RTCA: variants seen among roughly 807,000 people sequenced by gnomAD.
The protein encoded by RTCA is RNA terminal phosphate cyclase domain 1.
In RTCA, 37 loss-of-function variants were observed where a neutral mutation model predicts 46.1. That is an observed-to-expected ratio of 0.80 (90% CI 0.62 to 1.06). The LOEUF (loss-of-function observed/expected upper bound fraction) is 1.06, where lower values mean the gene tolerates loss of function less well. Ranked by LOEUF, RTCA falls within the 50% of genes least tolerant of loss-of-function variation. The pLI, the probability that RTCA is intolerant of heterozygous loss-of-function variation, is 0.00. For synonymous variants in RTCA, 164 were observed against 158.3 expected, an observed-to-expected ratio of 1.04 and a Z score of -0.27; for missense variants, 435 against 455.5, an observed-to-expected ratio of 0.95 and a Z score of 0.41.
At chr1:100,269,363 CT>C (rs61660356) in intron 3 of RTCA, among the ~76,000 whole-genome samples, 87,300 of 123,114 alleles carry the variant, frequency 0.71, 31,969 homozygotes, top group East Asian at 0.89. Context: ...AGCTATCAGT[CT>C]TTTTTTTTTT....
chr1:100,291,328 CT>C (rs147800556), intron 10 of RTCA, 74 bp from the exon 11 acceptor site: 42,265 of 851,066 alleles, frequency 0.05, 1,419 homozygotes, highest in Non-Finnish European at 0.062. Context: ...AACTCTCTGC[CT>C]ACATAAGTTG....
intron 8 of RTCA, among the ~76,000 whole-genome samples, chr1:100,282,782 G>C (rs1666784720): frequency 6.6e-6 from 1 of 152,196 alleles, no homozygotes; most frequent in Non-Finnish European, 1.5e-5. Context: ...TGTAAGGTAT[G>C]TATGAACATT....
At chr1:100,279,910 A>G (rs1327795737) in intron 8 of RTCA, among the ~76,000 whole-genome samples, 1 of 152,236 alleles carries the variant, frequency 6.6e-6, no homozygotes, top group Non-Finnish European at 1.5e-5. Context: ...TATATCTAGG[A>G]ATTTACATTT....
Position 100,266,347 on chromosome 1 carries a change from G to C in RTCA, c.-29G>C. On this transcript the variant is annotated 5_prime_UTR_variant, in exon 1 of 11. Transcript: ENST00000370128. Reference sequence around the variant, plus strand: ...CTCCCGCTCTGGCGGAGGCTTTGTCGCTGCGGGCTGGGCCCCAGGGTGTCC... The same window carrying C: ...CTCCCGCTCTGGCGGAGGCTTTGTCCCTGCGGGCTGGGCCCCAGGGTGTCC... 6.2e-7 allele frequency: 1 copy of C among 1,602,142 alleles called. No individual in the cohort carries two copies. Among genetic ancestry groups the C allele is most frequent in the Non-Finnish European group, 8.5e-7 (1 of 1,177,026 alleles).
intron 9 of RTCA, among the ~76,000 whole-genome samples, chr1:100,286,571 T>C (rs1667046023): frequency 6.6e-6 from 1 of 152,104 alleles, no homozygotes; most frequent in South Asian, 2.1e-4. Context: ...TCTTTATAGA[T>C]TTTCCTTTCT....
At chr1:100,270,018 A>T (rs768662551) in intron 3 of RTCA, among the ~76,000 whole-genome samples, 1 of 152,306 alleles carries the variant, frequency 6.6e-6, no homozygotes, top group East Asian at 1.9e-4. Flanking sequence ...ACATGAACTC[A>T]TTCTCTTTTA....
chr1:100,277,848 CTT>C (rs757746380), intron 8 of RTCA, among the ~76,000 whole-genome samples: 2 of 151,616 alleles, frequency 1.3e-5, no homozygotes, highest in Non-Finnish European at 2.9e-5. Context: ...TTTAGTCCCT[CTT>C]TTAATACACA....
chr1:100,273,161 T>C (rs970211588), intron 4 of RTCA, among the ~76,000 whole-genome samples: 1 of 152,186 alleles, frequency 6.6e-6, no homozygotes, highest in Admixed American at 6.5e-5. Flanking sequence ...AGTTCCAATT[T>C]TTTTCGTTAG....
At chr1:100,274,293 A>C (rs2100796262) in intron 5 of RTCA, among the ~76,000 whole-genome samples, 1 of 152,334 alleles carries the variant, frequency 6.6e-6, no homozygotes, top group East Asian at 1.9e-4. Flanking sequence ...CTGTAAAATA[A>C]ATGACACCAA....
rs779849128 is a variant in RTCA at position 100,291,461 on chromosome 1, T to C, written c.1058T>C (p.Ile353Thr). The C allele has an allele frequency of 6.2e-7, 1 of 1,612,380 alleles. No homozygotes were observed. The highest frequency in any genetic ancestry group is 8.5e-7 in the Non-Finnish European group (1 of 1,179,262). The change falls in exon 11 of 11, where the codon ATT becomes ACT. Residue 353 changes from isoleucine (I) to threonine (T), a missense_variant. Coordinates refer to ENST00000370128, the MANE Select transcript of RTCA (RefSeq NM_003729.4). ...GAAGACGCCGCTAAAGATACTTATA[T>C]TATTGAATGCCAAGGAATTGGGATG... ...DEEDAAKDTY[I>T]IECQGIGMTN...
At chr1:100,272,925 T>C (rs1410213307) in intron 4 of RTCA, among the ~76,000 whole-genome samples, 1 of 152,062 alleles carries the variant, frequency 6.6e-6, no homozygotes. Context: ...TGCCATGGAG[T>C]CATTCAGATT....
chr1:100,270,752 T>C (rs2100791657), intron 4 of RTCA, 72 bp downstream of exon 4: 2 of 1,521,194 alleles, frequency 1.3e-6, no homozygotes, highest in East Asian at 2.3e-5. Flanking sequence ...TCTAAATATA[T>C]CCTGAGTGTT....
At chr1:100,282,179 A>T (rs1249589227) in intron 8 of RTCA, among the ~76,000 whole-genome samples, 1 of 152,206 alleles carries the variant, frequency 6.6e-6, no homozygotes, top group Non-Finnish European at 1.5e-5. Context: ...TTTGCTTATT[A>T]TGTTCAGTTG....
In RTCA at chr1:100,274,820, A is replaced by C; in HGVS notation, c.474-4A>C. The C allele has an allele frequency of 6.2e-7, 1 of 1,606,062 alleles. No individual in the cohort carries two copies. Among genetic ancestry groups the C allele is most frequent in the Non-Finnish European group, 8.5e-7 (1 of 1,174,792 alleles). On this transcript the variant is annotated splice_polypyrimidine_tract_variant and splice_region_variant and intron_variant, in intron 5 of 10. Coordinates refer to ENST00000370128, the MANE Select transcript of RTCA (RefSeq NM_003729.4). ...TATGTGGGCATTTGTTATACTTTTC[A>C]TAGGGGATATTACCCAAAAGGGGGT...
intron 10 of RTCA, 50 bp downstream of exon 10, chr1:100,287,253 C>T: frequency 7.4e-7 from 1 of 1,360,322 alleles, no homozygotes; most frequent in Non-Finnish European, 1.0e-6. Context: ...TTTATTTTAG[C>T]CAATTTTGGG....
intron 10 of RTCA, among the ~76,000 whole-genome samples, chr1:100,288,571 T>C (rs1667158531): frequency 6.6e-6 from 1 of 151,902 alleles, no homozygotes; most frequent in Non-Finnish European, 1.5e-5. Flanking sequence ...TTTTGATGTT[T>C]TGTAGAGATG....
rs777807410 is a variant in RTCA, at chr1:100,287,061, TA to T, written c.895-35del. 4 of 1,383,572 alleles carry T rather than the reference TA, an allele frequency of 2.9e-6. No individual in the cohort carries two copies. The Admixed American group carries it at 7.6e-5, about 26-fold the overall frequency. 85.7% of individuals were successfully genotyped at this position (1,383,572 alleles called of 1,614,324 possible). On this transcript the variant is annotated intron_variant, in intron 9 of 10. Transcript: ENST00000370128. ...GTGGAATTATAATGCCAAATATTAA[TA>T]AATGTGTGAGGTTTTTCTTTGTTCT...
In RTCA at chr1:100,291,537, A is replaced by C. The variant is rs751238957; in HGVS notation, c.*33A>C. The C allele has an allele frequency of 3.5e-5, 42 of 1,199,896 alleles. No individual in the cohort carries two copies. The Admixed American group carries it at 8.3e-4, about 24-fold the overall frequency. The allele number at this position is 1,199,896 out of a possible 1,614,324, so 74.3% of individuals were successfully genotyped here. A position where few individuals can be genotyped will look rare whatever the true frequency, so the allele number is the denominator to read the frequency against. ...GCCTCTTAAATGATACCTCATTGAT[A>C]TATTGCACTATTTCATAAATACTAT... On this transcript the variant is annotated 3_prime_UTR_variant, in exon 11 of 11. Transcript: ENST00000370128.
chr1:100,272,135 A>G (rs1395740538), intron 4 of RTCA, among the ~76,000 whole-genome samples: 2 of 152,230 alleles, frequency 1.3e-5, no homozygotes, highest in Admixed American at 6.5e-5. Flanking sequence ...TAACATTCAT[A>G]TACAAGTTTT....
Sources: allele counts gnomAD v4.1 joint callset (sites outside exome capture counted in the v4.1 genomes callset), GRCh38; gene constraint gnomAD v4.1.1; transcripts MANE v1.5; gene names NCBI Gene and HGNC (gene_info 2026-07-23, HGNC 2026-07-21).